The following PIK3R4 variants were observed in gnomAD, a reference collection of about 807,000 sequenced individuals.
PIK3R4 encodes the protein phosphoinositide-3-kinase regulatory subunit 4.
Under a neutral mutation model 136.5 loss-of-function variants are expected in PIK3R4, and 46 were observed. That is an observed-to-expected ratio of 0.34 (90% CI 0.27 to 0.43). The LOEUF (loss-of-function observed/expected upper bound fraction) is 0.43. PIK3R4 is among the 20% of genes least tolerant of loss of function. The probability of loss-of-function intolerance (pLI) is 1.00; values close to 1 mark genes in which losing one functional copy is unlikely to be tolerated. For missense variants in PIK3R4, 1,331 were observed against 1,649.5 expected (o/e 0.81, Z 3.35); for synonymous variants, 557 against 566.7 (o/e 0.98, Z 0.24).
rs756977129 is a variant in PIK3R4 at position 130,723,456 on chromosome 3, G to A, written c.1939C>T (p.Leu647=). The change falls in exon 7 of 20, where the codon CTG becomes TTG. Residue 647 remains leucine (L), a synonymous_variant. Transcript: ENST00000356763. ...TCGTAAACATGGGGTTTTTGTAGCA[G>A]TCCTAACTGGCACATACAAGTAAGG... ...YALTCMCQLG[L]LQKPHVYEFA... is the part of the protein sequence containing the mutation. 1 of 1,612,388 alleles carries A rather than the reference G, an allele frequency of 6.2e-7. No homozygotes were observed.
intron 4 of PIK3R4, among the ~76,000 whole-genome samples, chr3:130,733,263 C>A (rs2066768110): frequency 6.6e-6 from 1 of 152,150 alleles, no homozygotes. Context: ...AGATCAGAAG[C>A]ACATACTTGT....
At chr3:130,743,932 T>C (rs917860749) in intron 2 of PIK3R4, among the ~76,000 whole-genome samples, 4 of 152,236 alleles carry the variant, frequency 2.6e-5, no homozygotes, top group South Asian at 2.1e-4. Context: ...TAAGCTTCTG[T>C]ATAGGCAACA....
Position 130,680,722 on chromosome 3 carries a change from C to A in PIK3R4, c.3798-1G>T, listed in dbSNP as rs1165371015. ...TTCTGGGTAAGCCAAGTCCCAAAACCTAGGAAAGAGGAAATAAATGATGAC... is the reference window on the plus strand; with the variant it reads ...TTCTGGGTAAGCCAAGTCCCAAAACATAGGAAAGAGGAAATAAATGATGAC... On this transcript the variant is annotated splice_acceptor_variant, in intron 18 of 19. Coordinates refer to ENST00000356763, the MANE Select transcript of PIK3R4 (RefSeq NM_014602.3). LOFTEE classifies it high-confidence loss of function. 6.3e-7 allele frequency: 1 copy of A among 1,578,306 alleles called. No individual in the cohort carries two copies. The highest frequency in any genetic ancestry group is 1.7e-5 in the Admixed American group (1 of 59,098).
chr3:130,727,275 C>T (rs1017555881), intron 6 of PIK3R4, among the ~76,000 whole-genome samples: 1 of 151,748 alleles, frequency 6.6e-6, no homozygotes, highest in African/African-American at 2.4e-5. Flanking sequence ...GGCCTGACTG[C>T]AGTGGCGCAA....
In PIK3R4 at chr3:130,744,601, C is replaced by T. The variant is rs781653865; in HGVS notation, c.618G>A (p.Gly206=). 4 of 1,614,216 alleles carry T rather than the reference C, an allele frequency of 2.5e-6. No homozygotes were observed. The highest frequency in any genetic ancestry group is 2.5e-6 in the Non-Finnish European group (3 of 1,180,028). ...TATATTCTAACTCAGTGGCAAACAT[C>T]CCACCATCAACAAAACGTTCAGGAG... ...YIAPERFVDG[G]MFATELEYMR... The change falls in exon 2 of 20, where the codon GGG becomes GGA. Residue 206 remains glycine (G), a synonymous_variant. Coordinates refer to ENST00000356763, the MANE Select transcript of PIK3R4 (RefSeq NM_014602.3).
chr3:130,727,104 G>C (rs1290699799), intron 6 of PIK3R4, among the ~76,000 whole-genome samples: 3 of 152,140 alleles, frequency 2.0e-5, no homozygotes, highest in Non-Finnish European at 1.5e-5. Context: ...CAAAACATAT[G>C]ATAGCATTTG....
At chr3:130,693,395 T>G (rs2066529329) in intron 13 of PIK3R4, among the ~76,000 whole-genome samples, 1 of 152,182 alleles carries the variant, frequency 6.6e-6, no homozygotes, top group Admixed American at 6.5e-5. Context: ...TTTCCAAAGT[T>G]ACTGCACTGT....
At chr3:130,686,849 G>A (rs1460655285) in intron 14 of PIK3R4, among the ~76,000 whole-genome samples, 1 of 152,118 alleles carries the variant, frequency 6.6e-6, no homozygotes, top group Non-Finnish European at 1.5e-5. Context: ...TCATGACCTT[G>A]ATATTTTTGA....
rs201651015 is a variant in PIK3R4, at chr3:130,730,275, T to C, written c.1585+33A>G. On this transcript the variant is annotated intron_variant, in intron 5 of 19. Coordinates refer to ENST00000356763, the MANE Select transcript of PIK3R4 (RefSeq NM_014602.3). ...GTTAGCATCAGCAATTCATTCTAAA[T>C]AACAGGAAATCTGGAAGAGAAAATT... 130 of 1,549,458 alleles carry C rather than the reference T, an allele frequency of 8.4e-5. 2 individuals are homozygous for C. The East Asian group carries it at 2.8e-3, about 33-fold the overall frequency.
chr3:130,693,173 C>T (rs2066527751), intron 13 of PIK3R4, among the ~76,000 whole-genome samples: 1 of 152,100 alleles, frequency 6.6e-6, no homozygotes, highest in South Asian at 2.1e-4. Context: ...TACTTCATTC[C>T]GTTTTATGGC....
chr3:130,744,727 T>C lies in PIK3R4; in HGVS notation c.492A>G (p.Leu164=), dbSNP rs1479165890. 6.2e-6 allele frequency: 10 copies of C among 1,614,252 alleles called. No individual in the cohort carries two copies. The highest frequency in any genetic ancestry group is 7.6e-6 in the Non-Finnish European group (9 of 1,180,044). The change falls in exon 2 of 20, where the codon CTA becomes CTG. Residue 164 remains leucine, a synonymous_variant. Coordinates refer to ENST00000356763, the MANE Select transcript of PIK3R4 (RefSeq NM_014602.3). Reference sequence around the variant, plus strand: ...TGGGCTTAAAACTGGCAAAATCAGTTAGAAGAACCCAATTCCAACTGGTGA... The same window carrying C: ...TGGGCTTAAAACTGGCAAAATCAGTCAGAAGAACCCAATTCCAACTGGTGA... The part of the protein sequence containing the change: ...VMVTSWNWVL[L]TDFASFKPTY...
chr3:130,727,779 T>C (rs2066741350), intron 6 of PIK3R4, among the ~76,000 whole-genome samples: 1 of 152,108 alleles, frequency 6.6e-6, no homozygotes. Flanking sequence ...AAGAGAAAAA[T>C]ATTAAATCCT....
chr3:130,699,798 T>C (rs1033702214), intron 13 of PIK3R4, among the ~76,000 whole-genome samples: 3 of 152,220 alleles, frequency 2.0e-5, no homozygotes, highest in Non-Finnish European at 4.4e-5. Flanking sequence ...GCTGAACTTT[T>C]AGTTTGCTCC....
chr3:130,701,305 A>T (rs2066572957), intron 13 of PIK3R4, among the ~76,000 whole-genome samples: 2 of 152,078 alleles, frequency 1.3e-5, no homozygotes, highest in Admixed American at 1.3e-4. Context: ...TGAGGTCAGG[A>T]GTTCAAGACC....
chr3:130,693,970 C>T (rs1036597712), intron 13 of PIK3R4, among the ~76,000 whole-genome samples: 7 of 151,942 alleles, frequency 4.6e-5, no homozygotes, highest in African/African-American at 1.2e-4. Flanking sequence ...TTTTTCCATG[C>T]GGAAATCCTA....
intron 10 of PIK3R4, among the ~76,000 whole-genome samples, chr3:130,707,948 A>G (rs2066614162): frequency 6.6e-6 from 1 of 152,128 alleles, no homozygotes; most frequent in Non-Finnish European, 1.5e-5. Flanking sequence ...TACACAAACT[A>G]TTGTTCTTGG....
chr3:130,685,440 T>C (rs2066484044), intron 15 of PIK3R4, among the ~76,000 whole-genome samples: 1 of 152,172 alleles, frequency 6.6e-6, no homozygotes, highest in Non-Finnish European at 1.5e-5. Flanking sequence ...TTCTTGGGTA[T>C]ATATATGCCT....
intron 7 of PIK3R4, among the ~76,000 whole-genome samples, chr3:130,718,795 T>C (rs1024169675): frequency 3.9e-5 from 6 of 152,188 alleles, no homozygotes; most frequent in African/African-American, 1.2e-4. Flanking sequence ...TTAAAATTTA[T>C]ATTTTTTTAG....
rs759967713 is a variant in PIK3R4 at position 130,706,977 on chromosome 3, T to C, written c.2692A>G (p.Ile898Val). Residue 898 changes from isoleucine to valine, a missense_variant, in exon 11 of 20, where the codon ATT becomes GTT. Coordinates refer to ENST00000356763, the MANE Select transcript of PIK3R4 (RefSeq NM_014602.3). ...KPPRSESSAG[I>V]CVPLSTSSQV... ...GAAGAAGTTGACAAAGGGACACAAATGCCAGCAGAGGACTCGGAACGAGGA... is the reference window on the plus strand; with the variant it reads ...GAAGAAGTTGACAAAGGGACACAAACGCCAGCAGAGGACTCGGAACGAGGA... 3 of 1,611,244 alleles carry C rather than the reference T, an allele frequency of 1.9e-6. No individual in the cohort carries two copies. The highest frequency in any genetic ancestry group is 4.5e-5 in the East Asian group (2 of 44,802).
Sources: allele counts gnomAD v4.1 joint callset (sites outside exome capture counted in the v4.1 genomes callset), GRCh38; gene constraint gnomAD v4.1.1; transcripts MANE v1.5; gene names NCBI Gene and HGNC (gene_info 2026-07-23, HGNC 2026-07-21).